Variants in ATP8A2 observed in about 807,000 individuals in gnomAD.
ATP8A2 encodes ATPase phospholipid transporting 8A2.
Under a neutral mutation model 165.6 loss-of-function variants are expected in ATP8A2, and 100 were observed. The observed-to-expected ratio is 0.60, with a 90% confidence interval of 0.51 to 0.71. The LOEUF (loss-of-function observed/expected upper bound fraction) is 0.71, where lower values mean the gene tolerates loss of function less well. Among genes scored for constraint, ATP8A2 ranks in the 30% least tolerant of loss-of-function variants. ATP8A2 has a pLI of 0.00. For missense variants in ATP8A2, 1,227 were observed against 1,479.5 expected (o/e 0.83, Z 2.80); for synonymous variants, 543 against 548.8 (o/e 0.99, Z 0.15).
intron 24 of ATP8A2, among the ~76,000 whole-genome samples, chr13:25,598,171 A>G (rs975591543): frequency 2.0e-5 from 3 of 152,210 alleles, no homozygotes; most frequent in Non-Finnish European, 4.4e-5. Context: ...TTGGAAACCT[A>G]TTGAGCATAT....
intron 24 of ATP8A2, among the ~76,000 whole-genome samples, chr13:25,663,319 T>G (rs956415850): frequency 8.5e-5 from 13 of 152,360 alleles, no homozygotes; most frequent in African/African-American, 3.1e-4. Flanking sequence ...TTATAAGTTA[T>G]TTCAAGTTTG....
At position 25,504,503 on chromosome 13, in the gene ATP8A2, G is replaced by A. The variant is rs549110814; in HGVS notation, c.222-25496G>A. 8.1e-5 allele frequency among the ~76,000 whole-genome samples: 12 copies of A among 147,412 alleles called. No homozygotes were observed. The South Asian group carries it at 2.6e-3, about 32-fold the overall frequency. On this transcript the variant is annotated intron_variant, in intron 2 of 36. Coordinates refer to ENST00000381655, the MANE Select transcript of ATP8A2 (RefSeq NM_016529.6). Reference sequence around the variant, plus strand: ...CGCCTGTAATCCCAGCACTTTGGGAGGCCGAGGCGGGTGGATCATGAGGTC... The same window carrying A: ...CGCCTGTAATCCCAGCACTTTGGGAAGCCGAGGCGGGTGGATCATGAGGTC...
chr13:25,721,833 C>A (rs1188179991), intron 25 of ATP8A2, among the ~76,000 whole-genome samples: 2 of 152,214 alleles, frequency 1.3e-5, no homozygotes, highest in Non-Finnish European at 2.9e-5. Flanking sequence ...TTTTGTTTAT[C>A]CATTCATCAG....
At chr13:25,531,670 G>A (rs975115705) in intron 4 of ATP8A2, among the ~76,000 whole-genome samples, 6 of 151,970 alleles carry the variant, frequency 3.9e-5, no homozygotes, top group African/African-American at 1.4e-4. Context: ...TTTGCATGCC[G>A]ACATGATGCC....
chr13:25,727,365 A>T (rs148917852), intron 25 of ATP8A2, among the ~76,000 whole-genome samples: 1 of 152,210 alleles, frequency 6.6e-6, no homozygotes, highest in Non-Finnish European at 1.5e-5. Context: ...GTGGCCAACC[A>T]GGAAAGTGAT....
At chr13:25,727,057 CA>C (rs901933596) in intron 25 of ATP8A2, among the ~76,000 whole-genome samples, 2 of 152,246 alleles carry the variant, frequency 1.3e-5, no homozygotes, top group Admixed American at 1.3e-4. Context: ...CCTTCTCCAT[CA>C]GGGGTACATG....
At chr13:25,614,232 T>G (rs1312430578) in intron 24 of ATP8A2, among the ~76,000 whole-genome samples, 2 of 152,170 alleles carry the variant, frequency 1.3e-5, no homozygotes, top group Non-Finnish European at 2.9e-5. Context: ...TTTTTTGTAT[T>G]GTTGGATTGT....
At chr13:25,473,815 G>T (rs1303917628) in intron 2 of ATP8A2, among the ~76,000 whole-genome samples, 1 of 152,148 alleles carries the variant, frequency 6.6e-6, no homozygotes, top group Non-Finnish European at 1.5e-5. Flanking sequence ...CTATTTAGAG[G>T]AAACTGGTGG....
At chr13:25,908,283 G>A (rs952879280) in intron 33 of ATP8A2, among the ~76,000 whole-genome samples, 3 of 152,150 alleles carry the variant, frequency 2.0e-5, no homozygotes, top group African/African-American at 7.2e-5. Flanking sequence ...GCTCTAGTCC[G>A]AGCACTTTAG....
chr13:25,650,409 C>G (rs969020092), intron 24 of ATP8A2, among the ~76,000 whole-genome samples: 1 of 152,150 alleles, frequency 6.6e-6, no homozygotes, highest in Non-Finnish European at 1.5e-5. Flanking sequence ...TCTGAACTCT[C>G]TTATTAATTC....
chr13:25,621,112 T>C (rs1261757872), intron 24 of ATP8A2, among the ~76,000 whole-genome samples: 2 of 152,212 alleles, frequency 1.3e-5, no homozygotes, highest in African/African-American at 4.8e-5. Context: ...CACTAGACTC[T>C]GCATTCCCAG....
chr13:25,781,899 G>A (rs2044889614), intron 27 of ATP8A2, among the ~76,000 whole-genome samples: 1 of 152,152 alleles, frequency 6.6e-6, no homozygotes, highest in Non-Finnish European at 1.5e-5. Context: ...TTAATGCACG[G>A]AGATGCTATG....
chr13:25,379,984 C>T (rs1420624234), intron 1 of ATP8A2, among the ~76,000 whole-genome samples: 1 of 152,118 alleles, frequency 6.6e-6, no homozygotes, highest in Non-Finnish European at 1.5e-5. Flanking sequence ...GGGAAGACAC[C>T]AGCGTGGGCA....
chr13:25,984,123 GCTA>G (rs1956225804), intron 35 of ATP8A2, among the ~76,000 whole-genome samples: 1 of 152,030 alleles, frequency 6.6e-6, no homozygotes, highest in Non-Finnish European at 1.5e-5. Flanking sequence ...TGTGGTCCCA[GCTA>G]CTTAAGAGGC....
intron 27 of ATP8A2, among the ~76,000 whole-genome samples, chr13:25,816,023 G>A (rs1037985407): frequency 6.6e-6 from 1 of 152,118 alleles, no homozygotes; most frequent in African/African-American, 2.4e-5. Context: ...GAGTTTAATG[G>A]TTTAATTAAT....
At chr13:25,573,096 T>C (rs2039513395) in intron 18 of ATP8A2, among the ~76,000 whole-genome samples, 1 of 152,216 alleles carries the variant, frequency 6.6e-6, no homozygotes, top group African/African-American at 2.4e-5. Flanking sequence ...TGATTGAATA[T>C]AGAATTTCCC....
chr13:26,020,263 GA>G lies in ATP8A2; in HGVS notation c.*281del, dbSNP rs1957063219. On this transcript the variant is annotated 3_prime_UTR_variant, in exon 37 of 37. Transcript: ENST00000381655. ...CATTCAACTGTGCTCTGTGAGGTGT[GA>G]AATTAAAAACATTATGTTTCACCAA... 7.0e-6 allele frequency: 3 copies of G among 429,698 alleles called. No homozygotes were observed. Among genetic ancestry groups the G allele is most frequent in the Non-Finnish European group, 1.3e-5 (3 of 239,874 alleles). The allele number at this position is 429,698 out of a possible 1,614,324, so 26.6% of individuals were successfully genotyped here.
intron 35 of ATP8A2, among the ~76,000 whole-genome samples, chr13:26,003,379 A>G (rs1212188471): frequency 6.6e-6 from 1 of 151,088 alleles, no homozygotes; most frequent in East Asian, 1.9e-4. Context: ...TAATTGAGCT[A>G]TGCTTTCTTG....
intron 2 of ATP8A2, 32 bp downstream of exon 2, chr13:25,469,153 C>T (rs754335677): frequency 4.3e-6 from 7 of 1,609,556 alleles, no homozygotes; most frequent in Non-Finnish European, 5.1e-6. Flanking sequence ...GCGCGGAAGG[C>T]GGTGGAGTCA....
Sources: gnomAD v4.1 joint callset for allele counts (sites outside exome capture counted in the v4.1 genomes callset) on GRCh38, gnomAD v4.1.1 for gene constraint, MANE v1.5 for transcripts, NCBI Gene and HGNC (gene_info 2026-07-23, HGNC 2026-07-21) for gene names.